Variants in EFCAB6 observed in about 807,000 individuals in gnomAD.
The protein encoded by EFCAB6 is EF-hand calcium-binding domain-containing protein 6.
A neutral mutation model predicts 169.8 loss-of-function variants in EFCAB6; 156 were observed. That is an observed-to-expected ratio of 0.92 (90% CI 0.81 to 1.05). The LOEUF (loss-of-function observed/expected upper bound fraction) is 1.05. Ranked by LOEUF, EFCAB6 falls within the 50% of genes least tolerant of loss-of-function variation. The pLI is 0.00. For synonymous variants in EFCAB6, 698 were observed against 676.4 expected, an observed-to-expected ratio of 1.03 and a Z score of -0.50; for missense variants, 1,800 against 1,829.1, an observed-to-expected ratio of 0.98 and a Z score of 0.29.
intron 8 of EFCAB6, among the ~76,000 whole-genome samples, chr22:43,722,229 T>C (rs1436621816): frequency 6.6e-6 from 1 of 151,908 alleles, no homozygotes; most frequent in African/African-American, 2.4e-5. Flanking sequence ...TTGGCTATTA[T>C]TAAAAAGTCA....
At chr22:43,746,168 C>T (rs1007959301) in intron 6 of EFCAB6, among the ~76,000 whole-genome samples, 3 of 152,184 alleles carry the variant, frequency 2.0e-5, no homozygotes, top group Non-Finnish European at 2.9e-5. Context: ...ACAAAAGCCT[C>T]GCCTCCCTGC....
chr22:43,554,810 G>A (rs1314741030), intron 27 of EFCAB6, 59 bp downstream of exon 27: 6 of 1,453,266 alleles, frequency 4.1e-6, no homozygotes, highest in Middle Eastern at 1.8e-4. Flanking sequence ...TTCTGGCCAG[G>A]GACCAGGCTG....
At chr22:43,577,868 G>A (rs1331538073) in intron 25 of EFCAB6, among the ~76,000 whole-genome samples, 2 of 151,160 alleles carry the variant, frequency 1.3e-5, no homozygotes, top group Non-Finnish European at 2.9e-5. Flanking sequence ...CAAGGAAATT[G>A]GGATGTGATT....
intron 2 of EFCAB6, among the ~76,000 whole-genome samples, chr22:43,786,636 C>G (rs2062086929): frequency 1.3e-5 from 2 of 151,960 alleles, no homozygotes; most frequent in South Asian, 4.1e-4. Context: ...GCAGCATGAA[C>G]CCAGGAGGCA....
chr22:43,615,275 G>T lies in EFCAB6; in HGVS notation c.2562+551C>A, dbSNP rs80140110. 1.9e-3 allele frequency among the ~76,000 whole-genome samples: 284 copies of T among 152,284 alleles called. 1 individual carries two copies. The Middle Eastern group carries it at 0.02, about 11-fold the overall frequency. ...TTTGCACATGCAGTTCTATTATCTT[G>T]TAGGTCTGGCTGTCATTGGCCCTGC... On this transcript the variant is annotated intron_variant, in intron 21 of 31. Transcript: ENST00000262726.
chr22:43,611,858 CA>C (rs1043865238), intron 21 of EFCAB6, among the ~76,000 whole-genome samples: 55 of 152,230 alleles, frequency 3.6e-4, no homozygotes, highest in Middle Eastern at 3.4e-3. Context: ...ATAGCCAAGG[CA>C]ATCCTAAGCA....
At chr22:43,624,315 C>T (rs1338057302) in intron 20 of EFCAB6, among the ~76,000 whole-genome samples, 1 of 152,162 alleles carries the variant, frequency 6.6e-6, no homozygotes, top group Non-Finnish European at 1.5e-5. Flanking sequence ...TGTCCATCCT[C>T]CACTCCAGGG....
intron 6 of EFCAB6, among the ~76,000 whole-genome samples, chr22:43,742,505 A>G (rs955768074): frequency 6.6e-6 from 1 of 152,242 alleles, no homozygotes; most frequent in East Asian, 1.9e-4. Flanking sequence ...CTTTGTGCAC[A>G]AACACGAGGA....
chr22:43,588,948 T>C (rs1019114464), intron 24 of EFCAB6, among the ~76,000 whole-genome samples: 1 of 152,050 alleles, frequency 6.6e-6, no homozygotes, highest in Non-Finnish European at 1.5e-5. Context: ...GCATGTGGCA[T>C]GCGGAGGTAA....
chr22:43,626,152 A>G (rs2054504452), intron 20 of EFCAB6, among the ~76,000 whole-genome samples: 1 of 152,214 alleles, frequency 6.6e-6, no homozygotes, highest in Non-Finnish European at 1.5e-5. Context: ...ATATATGTAT[A>G]TATTTATATA....
chr22:43,792,575 C>T (rs564815392), intron 2 of EFCAB6, among the ~76,000 whole-genome samples: 107 of 152,276 alleles, frequency 7.0e-4, no homozygotes, highest in Middle Eastern at 3.4e-3. Flanking sequence ...ATTGGGGACT[C>T]GCGGAGTCAA....
intron 6 of EFCAB6, among the ~76,000 whole-genome samples, chr22:43,737,459 C>T (rs936961541): frequency 6.7e-6 from 1 of 150,032 alleles, no homozygotes; most frequent in African/African-American, 2.5e-5. Context: ...TTCATACACA[C>T]ACACCCCTGT....
chr22:43,538,429 G>A (rs1220111208), intron 28 of EFCAB6, among the ~76,000 whole-genome samples: 3 of 151,836 alleles, frequency 2.0e-5, no homozygotes, highest in Non-Finnish European at 2.9e-5. Context: ...TTGCTCTGTC[G>A]CCAGGCTGGA....
At position 43,691,389 on chromosome 22, in the gene EFCAB6, G is replaced by A. The variant is rs6006529; in HGVS notation, c.1032-3808C>T. Among the ~76,000 whole-genome samples, 1,356 of 152,010 alleles carry A rather than the reference G, an allele frequency of 8.9e-3. 21 individuals carry two copies. Among genetic ancestry groups the A allele is most frequent in the African/African-American group, 0.032 (1,309 of 41,474 alleles). On this transcript the variant is annotated intron_variant, in intron 10 of 31. Coordinates refer to ENST00000262726, the MANE Select transcript of EFCAB6 (RefSeq NM_022785.4). ...TTCTATATATTATGTTTAGGAAATC[G>A]CCTCGCTCTTTGGGGAAAATATCAA...
intron 3 of EFCAB6, among the ~76,000 whole-genome samples, chr22:43,781,527 C>T (rs1051773614): frequency 1.3e-5 from 2 of 152,084 alleles, no homozygotes; most frequent in Non-Finnish European, 2.9e-5. Context: ...CAAGGTCTTA[C>T]TATGTTGCCC....
chr22:43,557,174 C>T (rs1358249796), intron 26 of EFCAB6, among the ~76,000 whole-genome samples: 1 of 152,162 alleles, frequency 6.6e-6, no homozygotes, highest in East Asian at 1.9e-4. Flanking sequence ...CTGTGTGCCC[C>T]TCCAGTAAGT....
At chr22:43,712,320 C>T (rs1160820504) in intron 9 of EFCAB6, among the ~76,000 whole-genome samples, 5 of 111,284 alleles carry the variant, frequency 4.5e-5, no homozygotes, top group South Asian at 6.6e-4. Context: ...TTCAACCATC[C>T]CACTTTGTCT....
chr22:43,547,487 C>T (rs1197922588), intron 27 of EFCAB6, among the ~76,000 whole-genome samples: 1 of 152,102 alleles, frequency 6.6e-6, no homozygotes, highest in Non-Finnish European at 1.5e-5. Context: ...CGCCTGTAAT[C>T]CCAGCACTTT....
At chr22:43,591,122 TTG>T (rs1213127864) in intron 23 of EFCAB6, among the ~76,000 whole-genome samples, 4 of 129,040 alleles carry the variant, frequency 3.1e-5, no homozygotes, top group African/African-American at 5.8e-5. Flanking sequence ...TTTTTTTTTT[TTG>T]TTTTTTTTTT....
Sources: gnomAD v4.1 joint callset for allele counts (sites outside exome capture counted in the v4.1 genomes callset) on GRCh38, gnomAD v4.1.1 for gene constraint, MANE v1.5 for transcripts, NCBI Gene and HGNC (gene_info 2026-07-23, HGNC 2026-07-21) for gene names.